Variants in MAMDC2 observed in about 807,000 individuals in gnomAD.
The protein encoded by MAMDC2 is MAM domain containing 2.
Under a neutral mutation model 89.8 loss-of-function variants are expected in MAMDC2, and 57 were observed. The ratio of observed to expected loss-of-function variants is 0.63; its 90% CI spans 0.51 to 0.79. The LOEUF is 0.79. MAMDC2 is among the 30% of genes least tolerant of loss of function. The pLI is 0.00. For synonymous variants in MAMDC2, 313 were observed against 293.4 expected (o/e 1.07, Z -0.68); for missense variants, 800 against 820.6 (o/e 0.97, Z 0.31).
rs145832241 is a variant in MAMDC2, at chr9:70,156,081, A to G, written c.1404+12262A>G. 2.7e-3 allele frequency among the ~76,000 whole-genome samples: 417 copies of G among 152,224 alleles called. 1 individual carries two copies. Among genetic ancestry groups the G allele is most frequent in the African/African-American group, 7.3e-3 (305 of 41,546 alleles). ...CTAGGTCTCTTCTACCTCCTGTTATATTTTTGGCATCTTAATAGCAGAAAC... is the reference window on the plus strand; with the variant it reads ...CTAGGTCTCTTCTACCTCCTGTTATGTTTTTGGCATCTTAATAGCAGAAAC... On this transcript the variant is annotated intron_variant, in intron 9 of 13. Coordinates refer to ENST00000377182, the MANE Select transcript of MAMDC2 (RefSeq NM_153267.5).
chr9:70,110,343 A>G (rs3015218), intron 4 of MAMDC2, among the ~76,000 whole-genome samples: 2 of 152,186 alleles, frequency 1.3e-5, no homozygotes, highest in Non-Finnish European at 2.9e-5. Flanking sequence ...TCTACATTGA[A>G]GCTAGTTCTG....
At chr9:70,109,076 T>C (rs949177898) in intron 3 of MAMDC2, 1 of 152,326 alleles carries the variant, frequency 6.6e-6, no homozygotes, top group Non-Finnish European at 1.5e-5. Flanking sequence ...TGAAGTGTGA[T>C]GTTTATTGAA....
chr9:70,102,620 C>T (rs1157403766), intron 2 of MAMDC2, among the ~76,000 whole-genome samples: 1 of 152,178 alleles, frequency 6.6e-6, no homozygotes, highest in Non-Finnish European at 1.5e-5. Context: ...GACAAGGAGA[C>T]ATGTTCAGAC....
intron 11 of MAMDC2, among the ~76,000 whole-genome samples, chr9:70,198,161 T>C (rs1032702558): frequency 3.8e-5 from 1 of 26,570 alleles, no homozygotes; most frequent in African/African-American, 8.6e-5. Context: ...TGTATGTGTG[T>C]ATATATATAT....
chr9:70,118,313 CACACACACACACACACACACACA>C (rs1318590761), intron 5 of MAMDC2, among the ~76,000 whole-genome samples: 2 of 21,528 alleles, frequency 9.3e-5, no homozygotes, highest in Non-Finnish European at 3.4e-4. Context: ...CACACACACA[CACACACACACACACACACACACA>C]CACACACACA....
chr9:70,217,482 G>A, intron 11 of MAMDC2: 1 of 1,468,610 alleles, frequency 6.8e-7, no homozygotes, highest in Non-Finnish European at 9.5e-7. Context: ...AGAGGAATCA[G>A]AAACCTTAAG....
intron 11 of MAMDC2, among the ~76,000 whole-genome samples, chr9:70,212,768 T>C (rs1246391907): frequency 3.3e-5 from 5 of 152,130 alleles, no homozygotes; most frequent in African/African-American, 1.2e-4. Flanking sequence ...CCTCCTATTT[T>C]ATGGTACTAA....
intron 11 of MAMDC2, among the ~76,000 whole-genome samples, chr9:70,212,262 G>A (rs2033369363): frequency 6.6e-6 from 1 of 152,258 alleles, no homozygotes; most frequent in Non-Finnish European, 1.5e-5. Flanking sequence ...TCCTTGAGCT[G>A]TGGTGGGCTC....
At chr9:70,205,739 C>T (rs1003141334) in intron 11 of MAMDC2, among the ~76,000 whole-genome samples, 1 of 152,172 alleles carries the variant, frequency 6.6e-6, no homozygotes, top group Non-Finnish European at 1.5e-5. Context: ...TTAATAATCC[C>T]TTCCACAGAC....
At chr9:70,199,151 C>T (rs1774387014) in intron 11 of MAMDC2, among the ~76,000 whole-genome samples, 1 of 146,914 alleles carries the variant, frequency 6.8e-6, no homozygotes, top group Non-Finnish European at 1.5e-5. Flanking sequence ...TGGTGCGCTG[C>T]ACCCACTAAC....
Position 70,174,166 on chromosome 9 carries a change from T to A in MAMDC2, c.1651+3535T>A, listed in dbSNP as rs139675509. On this transcript the variant is annotated intron_variant, in intron 11 of 13. Coordinates refer to ENST00000377182, the MANE Select transcript of MAMDC2 (RefSeq NM_153267.5). ...TAGAATAAGACCTGGCATATGACAA[T>A]TAATTATTGCTCTATTATTCATTTA... Among the ~76,000 whole-genome samples the A allele has an allele frequency of 2.9e-3, 441 of 152,316 alleles. 1 individual carries two copies. The highest frequency in any genetic ancestry group is 0.014 in the Middle Eastern group (4 of 294).
intron 11 of MAMDC2, among the ~76,000 whole-genome samples, chr9:70,179,106 A>G (rs938504436): frequency 6.6e-6 from 1 of 152,178 alleles, no homozygotes; most frequent in African/African-American, 2.4e-5. Flanking sequence ...ACATTGGTTA[A>G]GACGTTATTG....
At position 70,205,657 on chromosome 9, in the gene MAMDC2, T is replaced by C. The variant is rs146078099; in HGVS notation, c.1652-12680T>C. Among the ~76,000 whole-genome samples the C allele has an allele frequency of 3.3e-5, 5 of 152,312 alleles. No individual in the cohort carries two copies. The East Asian group carries it at 5.8e-4, about 18-fold the overall frequency. ...AACAGAGGGGACCCTGATCTCCCAATAGATCCATTGGAACCCCCATCTTGA... is the reference window on the plus strand; with the variant it reads ...AACAGAGGGGACCCTGATCTCCCAACAGATCCATTGGAACCCCCATCTTGA... On this transcript the variant is annotated intron_variant, in intron 11 of 13. Transcript: ENST00000377182.
At chr9:70,101,349 T>C (rs1563954056) in intron 2 of MAMDC2, among the ~76,000 whole-genome samples, 1 of 149,798 alleles carries the variant, frequency 6.7e-6, no homozygotes, top group South Asian at 2.1e-4. Context: ...TAATTCATTA[T>C]TGAAAAAAGA....
chr9:70,162,344 T>C (rs1184294008), intron 9 of MAMDC2, among the ~76,000 whole-genome samples: 1 of 152,184 alleles, frequency 6.6e-6, no homozygotes, highest in Non-Finnish European at 1.5e-5. Flanking sequence ...AAAATTCTAT[T>C]CATTATATTT....
chr9:70,172,881 AGGAT>A (rs1381117121), intron 11 of MAMDC2: 1 of 152,824 alleles, frequency 6.5e-6, no homozygotes, highest in Non-Finnish European at 1.5e-5. Context: ...GAAAGATATC[AGGAT>A]GTTAAAAATA....
intron 2 of MAMDC2, among the ~76,000 whole-genome samples, chr9:70,094,671 T>G (rs1827983957): frequency 6.6e-6 from 1 of 152,094 alleles, no homozygotes; most frequent in African/African-American, 2.4e-5. Flanking sequence ...AAAACAAGAC[T>G]ACCATCAGGA....
intron 7 of MAMDC2, among the ~76,000 whole-genome samples, chr9:70,138,795 G>A (rs1336228437): frequency 6.6e-6 from 1 of 152,092 alleles, no homozygotes; most frequent in Non-Finnish European, 1.5e-5. Context: ...CAAAGTCAAA[G>A]CAATAGCAGT....
At chr9:70,136,290 G>A (rs976253043) in intron 7 of MAMDC2, among the ~76,000 whole-genome samples, 8 of 152,174 alleles carry the variant, frequency 5.3e-5, no homozygotes, top group Non-Finnish European at 1.0e-4. Context: ...GAATCATAGA[G>A]TATGTAGCCT....
Sources: gnomAD v4.1 joint callset for allele counts (sites outside exome capture counted in the v4.1 genomes callset) on GRCh38, gnomAD v4.1.1 for gene constraint, MANE v1.5 for transcripts, NCBI Gene and HGNC (gene_info 2026-07-23, HGNC 2026-07-21) for gene names.